Variants in DNAH7 observed in about 807,000 individuals in gnomAD.
DNAH7 encodes the protein axonemal beta dynein heavy chain 7.
Under a neutral mutation model 444.6 loss-of-function variants are expected in DNAH7, and 397 were observed. The ratio of observed to expected loss-of-function variants is 0.89; its 90% confidence interval spans 0.82 to 0.97. DNAH7 has a LOEUF of 0.97. DNAH7 is among the 50% of genes least tolerant of loss of function. The pLI, the probability that DNAH7 is intolerant of heterozygous loss-of-function variation, is 0.00. For synonymous variants in DNAH7, 1,636 were observed against 1,624.4 expected, an observed-to-expected ratio of 1.01 and a Z score of -0.17; for missense variants, 4,902 against 4,800.8, an observed-to-expected ratio of 1.02 and a Z score of -0.62.
intron 19 of DNAH7, among the ~76,000 whole-genome samples, chr2:195,940,489 A>G (rs1183181298): frequency 1.3e-5 from 2 of 152,184 alleles, no homozygotes; most frequent in Non-Finnish European, 2.9e-5. Context: ...TGGCTAAAAC[A>G]CCAAAAGCAA....
chr2:195,852,406 G>A (rs541669396), intron 46 of DNAH7, among the ~76,000 whole-genome samples: 4 of 152,298 alleles, frequency 2.6e-5, no homozygotes, highest in South Asian at 2.1e-4. Flanking sequence ...CAAAGGGGAT[G>A]TAACATGTAC....
In DNAH7 at chr2:195,950,868, A is replaced by AAAAAAAAAAAAAAAAAAAAAAAAAC. The variant is rs1553575648; in HGVS notation, c.3078+6392_3078+6393insGTTTTTTTTTTTTTTTTTTTTTTTT. ...CTCTGTCTCAAAAAAAAAAAAAAAA[A>AAAAAAAAAAAAAAAAAAAAAAAAAC]AAAAAAAAAAACCCAGCTCCTGGAT... On this transcript the variant is annotated intron_variant, in intron 19 of 64. Transcript: ENST00000312428. Among the ~76,000 whole-genome samples the AAAAAAAAAAAAAAAAAAAAAAAAAC allele has an allele frequency of 3.6e-5, 5 of 138,236 alleles. 1 individual carries two copies. The highest frequency in any genetic ancestry group is 5.7e-5 in the African/African-American group (2 of 34,864). 90.7% of individuals were successfully genotyped at this position (138,236 alleles called of 152,430 possible). A position where few individuals can be genotyped will look rare whatever the true frequency, so the allele number is the denominator to read the frequency against.
chr2:196,029,681 C>T (rs943854545), intron 5 of DNAH7, among the ~76,000 whole-genome samples: 1 of 152,086 alleles, frequency 6.6e-6, no homozygotes. Flanking sequence ...GTTTAAATAA[C>T]CTCCCCTTGG....
At chr2:195,888,155 A>T in intron 33 of DNAH7, 103 bp downstream of exon 33, 1 of 936,816 alleles carries the variant, frequency 1.1e-6, no homozygotes, top group Non-Finnish European at 1.5e-6. Context: ...GTTTTGATTT[A>T]ATATCTCTTA....
At chr2:195,877,446 C>G (rs1429164400) in intron 36 of DNAH7, among the ~76,000 whole-genome samples, 1 of 152,176 alleles carries the variant, frequency 6.6e-6, no homozygotes, top group Non-Finnish European at 1.5e-5. Flanking sequence ...GCATTAAATG[C>G]TTGCAGCATT....
chr2:195,847,646 T>TA (rs150581730), intron 46 of DNAH7, among the ~76,000 whole-genome samples: 549 of 144,494 alleles, frequency 3.8e-3, no homozygotes, highest in South Asian at 0.014. Flanking sequence ...ACCTAAAAGT[T>TA]AAAAAAAAAA....
intron 19 of DNAH7, among the ~76,000 whole-genome samples, chr2:195,941,605 T>C (rs1689454538): frequency 1.3e-5 from 2 of 152,044 alleles, no homozygotes; most frequent in South Asian, 2.1e-4. Context: ...AAAGAGATAA[T>C]GCAGTTTTGT....
intron 46 of DNAH7, among the ~76,000 whole-genome samples, chr2:195,846,029 G>T (rs557006373): frequency 2.7e-4 from 41 of 152,276 alleles, no homozygotes; most frequent in African/African-American, 7.7e-4. Context: ...AAACTAAAGA[G>T]CTTATTCACA....
At chr2:195,784,188 T>A (rs1400895687) in intron 58 of DNAH7, among the ~76,000 whole-genome samples, 1 of 152,214 alleles carries the variant, frequency 6.6e-6, no homozygotes, top group Non-Finnish European at 1.5e-5. Flanking sequence ...GCTGTGTATC[T>A]ACCATTACAG....
intron 54 of DNAH7, among the ~76,000 whole-genome samples, chr2:195,800,247 T>C (rs115894813): frequency 0.017 from 2,562 of 152,274 alleles, 69 homozygotes; most frequent in African/African-American, 0.058. Context: ...CAAGGTGAGC[T>C]TTGGTGGGGA....
chr2:195,900,424 C>T lies in DNAH7; in HGVS notation c.4406G>A (p.Cys1469Tyr), dbSNP rs1414838983. 2 of 1,614,002 alleles carry T rather than the reference C, an allele frequency of 1.2e-6. No homozygotes were observed. The highest frequency in any genetic ancestry group is 1.7e-6 in the Non-Finnish European group (2 of 1,179,926). ...AMIAEIVLYS[C>Y]GFVTARPLSV... The stretch of plus-strand genomic sequence containing the variant: ...CAGTGGTCGAGCAGTGACAAACCCA[C>T]AGGAGTATAGGACTATTTCAGCAAT... Residue 1469 changes from cysteine to tyrosine, a missense_variant, in exon 28 of 65, where the codon TGT (cysteine) becomes TAT (tyrosine). Coordinates refer to ENST00000312428, the MANE Select transcript of DNAH7 (RefSeq NM_018897.3).
chr2:196,014,576 C>A (rs868183550), intron 9 of DNAH7, among the ~76,000 whole-genome samples: 9 of 152,144 alleles, frequency 5.9e-5, no homozygotes, highest in Non-Finnish European at 8.8e-5. Flanking sequence ...ACCCCTGGCT[C>A]TGTCACTGAT....
At chr2:195,793,683 G>A (rs1315137514) in intron 57 of DNAH7, among the ~76,000 whole-genome samples, 1 of 152,072 alleles carries the variant, frequency 6.6e-6, no homozygotes, top group Admixed American at 6.6e-5. Flanking sequence ...TTCCTTTGAT[G>A]TGCACTTAAA....
chr2:195,975,776 C>T (rs979767931), intron 15 of DNAH7, among the ~76,000 whole-genome samples: 8 of 152,276 alleles, frequency 5.3e-5, no homozygotes, highest in South Asian at 2.1e-4. Context: ...ATCTTAGGCC[C>T]TAGCTCCTGG....
In DNAH7 at chr2:195,737,906, AATG is replaced by A; in HGVS notation, c.*12_*14del. 6.2e-7 allele frequency: 1 copy of A among 1,611,906 alleles called. No individual in the cohort carries two copies. The highest frequency in any genetic ancestry group is 8.5e-7 in the Non-Finnish European group (1 of 1,178,138). On this transcript the variant is annotated 3_prime_UTR_variant, in exon 65 of 65. Coordinates refer to ENST00000312428, the MANE Select transcript of DNAH7 (RefSeq NM_018897.3). ...AGCCAACAAGAAATAGGAACAAGGAAATGATGTCTTCTGGTTATGAATTAAGTT... is the reference window on the plus strand; with the variant it reads ...AGCCAACAAGAAATAGGAACAAGGAAATGTCTTCTGGTTATGAATTAAGTT...
At chr2:195,973,640 T>C (rs1393793161) in intron 15 of DNAH7, among the ~76,000 whole-genome samples, 1 of 152,076 alleles carries the variant, frequency 6.6e-6, no homozygotes, top group African/African-American at 2.4e-5. Flanking sequence ...TTTTTGTTTG[T>C]TTTGTAATTT....
At chr2:195,805,060 C>T (rs920486205) in intron 54 of DNAH7, among the ~76,000 whole-genome samples, 24 of 152,188 alleles carry the variant, frequency 1.6e-4, no homozygotes, top group African/African-American at 5.1e-4. Flanking sequence ...TTCCCACCTC[C>T]CTCGAATATA....
chr2:196,024,729 A>T (rs765346269), intron 7 of DNAH7, among the ~76,000 whole-genome samples: 5 of 152,158 alleles, frequency 3.3e-5, no homozygotes, highest in Non-Finnish European at 7.4e-5. Flanking sequence ...TTCTTAACAC[A>T]ATGTGTCCCT....
At chr2:195,856,261 G>C (rs187199701) in intron 44 of DNAH7, among the ~76,000 whole-genome samples, 1 of 152,160 alleles carries the variant, frequency 6.6e-6, no homozygotes, top group East Asian at 1.9e-4. Context: ...AGGAGAGTAG[G>C]ATAGTCATGT....
Sources: allele counts gnomAD v4.1 joint callset (sites outside exome capture counted in the v4.1 genomes callset), GRCh38; gene constraint gnomAD v4.1.1; transcripts MANE v1.5; gene names NCBI Gene and HGNC (gene_info 2026-07-23, HGNC 2026-07-21).